Variants in PRICKLE2 observed in about 807,000 individuals in gnomAD.
PRICKLE2 encodes prickle-like protein 2.
Under a neutral mutation model 81.4 loss-of-function variants are expected in PRICKLE2, and 21 were observed. The observed-to-expected ratio is 0.26, with a 90% CI of 0.18 to 0.37. The LOEUF (loss-of-function observed/expected upper bound fraction) is 0.37, where lower values mean the gene tolerates loss of function less well. PRICKLE2 is among the 10% of genes least tolerant of loss of function. PRICKLE2 has a pLI of 1.00. For missense variants in PRICKLE2, 940 were observed against 1,109.0 expected (o/e 0.85, Z 2.16); for synonymous variants, 456 against 421.5 (o/e 1.08, Z -1.00).
intron 7 of PRICKLE2, chr3:64,141,969 T>C (rs886354562): frequency 1.0e-5 from 10 of 982,620 alleles, no homozygotes; most frequent in South Asian, 9.4e-5. Flanking sequence ...TTTAAAGATA[T>C]GCAGATAGTT....
At chr3:64,203,397 G>A (rs1197808326) in intron 1 of PRICKLE2, among the ~76,000 whole-genome samples, 1 of 152,176 alleles carries the variant, frequency 6.6e-6, no homozygotes, top group East Asian at 1.9e-4. Context: ...GTTTCAATGT[G>A]TTTAAGTAAG....
intron 2 of PRICKLE2, among the ~76,000 whole-genome samples, chr3:64,195,901 T>C (rs1042198206): frequency 2.0e-5 from 3 of 152,186 alleles, no homozygotes; most frequent in African/African-American, 7.2e-5. Flanking sequence ...GTCATAAAGA[T>C]TTGAGTAAGT....
At chr3:64,153,601 A>G in intron 5 of PRICKLE2, 1 of 526,380 alleles carries the variant, frequency 1.9e-6, no homozygotes, top group Non-Finnish European at 3.4e-6. Context: ...TAATTAACTT[A>G]ACCACATTTA....
At chr3:64,245,578 G>C (rs1165668556) in intron 2 of PRICKLE2, among the ~76,000 whole-genome samples, 2 of 152,182 alleles carry the variant, frequency 1.3e-5, no homozygotes, top group African/African-American at 4.8e-5. Flanking sequence ...GACTTTAGGA[G>C]GTTGCACTGA....
intron 2 of PRICKLE2, among the ~76,000 whole-genome samples, chr3:64,230,749 C>T (rs745446206): frequency 2.8e-4 from 43 of 152,158 alleles, no homozygotes; most frequent in Admixed American, 9.2e-4. Context: ...TCAGTTTCAC[C>T]ATCTATAAAA....
At chr3:64,108,287 G>T (rs754620195) in intron 7 of PRICKLE2, among the ~76,000 whole-genome samples, 2 of 152,176 alleles carry the variant, frequency 1.3e-5, no homozygotes, top group Non-Finnish European at 2.9e-5. Context: ...CTCTCAGACC[G>T]TGCAAAAAGT....
At position 64,146,851 on chromosome 3, in the gene PRICKLE2, G is replaced by A. The variant is rs368904012; in HGVS notation, c.1639C>T (p.Leu547=). ...CTACCTGTTGCATTAGACAGGGCCA[G>A]GGATTCCATGGAGCCCCGAGGGGTC... ...EQTPRGSMES[L]ALSNATGLSA... is the part of the protein sequence containing the mutation. The change falls in exon 7 of 8, where the codon CTG becomes TTG. Residue 547 remains leucine (L), a synonymous_variant. Transcript: ENST00000638394. 6.2e-7 allele frequency: 1 copy of A among 1,614,152 alleles called. No individual in the cohort carries two copies. Among genetic ancestry groups the A allele is most frequent in the Non-Finnish European group, 8.5e-7 (1 of 1,180,036 alleles).
upstream of PRICKLE2, among the ~76,000 whole-genome samples, chr3:64,228,536 G>GTTT (rs55638435): frequency 9.0e-4 from 134 of 148,258 alleles, 1 homozygote; most frequent in East Asian, 4.4e-3. Context: ...CTAATGAGGT[G>GTTT]TTTTTTTTTT....
chr3:64,232,985 T>C (rs2079127770), intron 2 of PRICKLE2, among the ~76,000 whole-genome samples: 1 of 152,192 alleles, frequency 6.6e-6, no homozygotes, highest in African/African-American at 2.4e-5. Flanking sequence ...ATCATGACCA[T>C]TCATTATGTG....
In PRICKLE2 at chr3:64,096,130, C is replaced by G. The variant is rs1025545994; in HGVS notation, c.*2921G>C. The G allele has an allele frequency of 4.6e-5, 7 of 152,002 alleles. No homozygotes were observed. Among genetic ancestry groups the G allele is most frequent in the African/African-American group, 1.7e-4 (7 of 41,368 alleles). The allele number at this position is 152,002 out of a possible 1,614,324, so 9.4% of individuals were successfully genotyped here. On this transcript the variant is annotated 3_prime_UTR_variant, in exon 8 of 8. Coordinates refer to ENST00000638394, the MANE Select transcript of PRICKLE2 (RefSeq NM_198859.4). Reference sequence around the variant, plus strand: ...CTCAACTCCGAAGTTGCAGTTCTAACCAAAAGACAAGAAGATCAATATTAG... The same window carrying G: ...CTCAACTCCGAAGTTGCAGTTCTAAGCAAAAGACAAGAAGATCAATATTAG...
intron 2 of PRICKLE2, among the ~76,000 whole-genome samples, chr3:64,238,035 C>T (rs2079207898): frequency 6.6e-6 from 1 of 152,164 alleles, no homozygotes; most frequent in Non-Finnish European, 1.5e-5. Context: ...TGGACAAGGC[C>T]ATCATTTTGA....
chr3:64,235,538 C>T (rs566153588), intron 2 of PRICKLE2, among the ~76,000 whole-genome samples: 2 of 152,306 alleles, frequency 1.3e-5, no homozygotes, highest in African/African-American at 4.8e-5. Context: ...TGCCCCCCTT[C>T]TGGAGCTTTT....
At chr3:64,130,893 C>T (rs1442447063) in intron 7 of PRICKLE2, among the ~76,000 whole-genome samples, 2 of 152,192 alleles carry the variant, frequency 1.3e-5, no homozygotes, top group East Asian at 3.8e-4. Context: ...GTATTTTAGC[C>T]TCTGCCTTAC....
At chr3:64,144,073 A>G (rs2077405816) in intron 7 of PRICKLE2, among the ~76,000 whole-genome samples, 1 of 152,120 alleles carries the variant, frequency 6.6e-6, no homozygotes, top group Non-Finnish European at 1.5e-5. Context: ...CACTGCATGG[A>G]CAAGCTACAA....
At chr3:64,131,395 T>G (rs1261310551) in intron 7 of PRICKLE2, among the ~76,000 whole-genome samples, 1 of 152,190 alleles carries the variant, frequency 6.6e-6, no homozygotes, top group Non-Finnish European at 1.5e-5. Context: ...TCTTTCTTCT[T>G]AAGGACCAAC....
In PRICKLE2 at chr3:64,099,544, C is replaced by T. The variant is rs755568778; in HGVS notation, c.2042G>A (p.Arg681His). Residue 681 changes from arginine to histidine, a missense_variant, in exon 8 of 8, where the codon CGT (arginine) becomes CAT (histidine). By Grantham distance (29) the Arg-to-His change is conservative. Transcript: ENST00000638394. The surrounding 1 kb of genome is among the most constrained non-coding windows in gnomAD (Gnocchi z 4.3). Reference sequence around the variant, plus strand: ...ACGCCTGGACCTGTGAGGTCGGAAACGGCGGTTGTCGTCGCGTGAAGTAGC... The same window carrying T: ...ACGCCTGGACCTGTGAGGTCGGAAATGGCGGTTGTCGTCGCGTGAAGTAGC... ...RRATSRDDNR[R>H]FRPHRSRRSR... 4 of 1,608,138 alleles carry T rather than the reference C, an allele frequency of 2.5e-6. No homozygotes were observed. Among genetic ancestry groups the T allele is most frequent in the South Asian group, 1.1e-5 (1 of 91,028 alleles).
At chr3:64,203,843 T>A (rs1264014441) in intron 1 of PRICKLE2, among the ~76,000 whole-genome samples, 1 of 148,432 alleles carries the variant, frequency 6.7e-6, no homozygotes, top group Admixed American at 6.7e-5. Flanking sequence ...CTGGGCATGG[T>A]GGTGGGCACT....
intron 2 of PRICKLE2, among the ~76,000 whole-genome samples, chr3:64,245,904 T>C (rs1575709251): frequency 6.6e-6 from 1 of 152,318 alleles, no homozygotes; most frequent in East Asian, 1.9e-4. Flanking sequence ...TCTCATTAAA[T>C]GATAATTCAC....
At chr3:64,192,094 T>C (rs1575645004) in intron 2 of PRICKLE2, among the ~76,000 whole-genome samples, 1 of 152,352 alleles carries the variant, frequency 6.6e-6, no homozygotes, top group East Asian at 1.9e-4. Flanking sequence ...TACAAATCTT[T>C]AGGAGCAGCC....
Sources: gnomAD v4.1 joint callset for allele counts (sites outside exome capture counted in the v4.1 genomes callset) on GRCh38, gnomAD v4.1.1 for gene constraint, Gnocchi (gnomAD v3.1) non-coding constraint, MANE v1.5 for transcripts, NCBI Gene and HGNC (gene_info 2026-07-23, HGNC 2026-07-21) for gene names.